XRCC5: variants seen among roughly 807,000 people sequenced by gnomAD.
XRCC5 encodes the protein DNA repair protein Ku80.
Under a neutral mutation model 95.7 loss-of-function variants are expected in XRCC5, and 12 were observed. That is an observed-to-expected ratio of 0.13 (90% CI 0.08 to 0.20). The LOEUF (loss-of-function observed/expected upper bound fraction) is 0.20. Among genes scored for constraint, XRCC5 ranks in the 10% least tolerant of loss-of-function variants. The pLI is 1.00. For missense variants in XRCC5, 595 were observed against 873.9 expected, an observed-to-expected ratio of 0.68 and a Z score of 4.02; for synonymous variants, 281 against 290.3, an observed-to-expected ratio of 0.97 and a Z score of 0.33.
chr2:216,185,684 T>TC (rs1397391522), intron 16 of XRCC5, among the ~76,000 whole-genome samples: 1 of 151,532 alleles, frequency 6.6e-6, no homozygotes, highest in African/African-American at 2.4e-5. Flanking sequence ...TCTTTTTCTT[T>TC]TTTTTTTTTG....
At chr2:216,187,145 C>T (rs2106044185) in intron 16 of XRCC5, among the ~76,000 whole-genome samples, 1 of 152,254 alleles carries the variant, frequency 6.6e-6, no homozygotes, top group Non-Finnish European at 1.5e-5. Flanking sequence ...CCTAGAAGGC[C>T]AAAATCTGGT....
intron 17 of XRCC5, among the ~76,000 whole-genome samples, chr2:216,191,484 C>T (rs1158069567): frequency 1.3e-5 from 2 of 151,452 alleles, no homozygotes; most frequent in Non-Finnish European, 2.9e-5. Context: ...GATCTCGGCT[C>T]ACTGCAACCT....
intron 19 of XRCC5, chr2:216,203,960 A>G: frequency 5.4e-6 from 1 of 184,386 alleles, no homozygotes; most frequent in South Asian, 1.2e-4. Flanking sequence ...GTGGTTGGTT[A>G]TTTTCTTAAC....
chr2:216,198,707 C>G (rs1367992575), intron 19 of XRCC5, among the ~76,000 whole-genome samples: 1 of 152,066 alleles, frequency 6.6e-6, no homozygotes, highest in Non-Finnish European at 1.5e-5. Flanking sequence ...TGCGCACCAC[C>G]CCACCCAGCT....
At position 216,119,103 on chromosome 2, in the gene XRCC5, C is replaced by T; in HGVS notation, c.429C>T (p.Ser143=). Residue 143 remains serine, a synonymous_variant, in exon 5 of 21, where the codon AGC becomes AGT. Transcript: ENST00000392132. ...TCACTGACCTCAGCAGCCGATTCAGCAAAAGTCAGCTGGATATTATAATTC... is the reference window on the plus strand; with the variant it reads ...TCACTGACCTCAGCAGCCGATTCAGTAAAAGTCAGCTGGATATTATAATTC... ...EIFTDLSSRF[S]KSQLDIIIHS... is the part of the protein sequence containing the mutation. The T allele has an allele frequency of 6.2e-7, 1 of 1,614,058 alleles. No individual in the cohort carries two copies. Among genetic ancestry groups the T allele is most frequent in the South Asian group, 1.1e-5 (1 of 91,070 alleles).
chr2:216,196,308 A>G (rs1328799127), intron 19 of XRCC5, among the ~76,000 whole-genome samples: 1 of 152,020 alleles, frequency 6.6e-6, no homozygotes, highest in Non-Finnish European at 1.5e-5. Flanking sequence ...ATTATATCTC[A>G]GAAGGGGTTC....
At chr2:216,187,327 A>G (rs1689512709) in intron 16 of XRCC5, among the ~76,000 whole-genome samples, 2 of 151,964 alleles carry the variant, frequency 1.3e-5, no homozygotes, top group Non-Finnish European at 2.9e-5. Context: ...GAAACTGGGT[A>G]TTGAGACTCC....
At chr2:216,164,474 G>C (rs1689016948) in intron 16 of XRCC5, among the ~76,000 whole-genome samples, 1 of 152,230 alleles carries the variant, frequency 6.6e-6, no homozygotes, top group African/African-American at 2.4e-5. Flanking sequence ...GAAAATGTTA[G>C]AGCTTTAACA....
At chr2:216,178,675 T>G (rs1469924021) in intron 16 of XRCC5, among the ~76,000 whole-genome samples, 1 of 152,226 alleles carries the variant, frequency 6.6e-6, no homozygotes, top group Admixed American at 6.5e-5. Flanking sequence ...CATATATATC[T>G]TATATAGCAT....
intron 16 of XRCC5, among the ~76,000 whole-genome samples, chr2:216,189,710 C>T (rs1286543684): frequency 6.6e-6 from 1 of 152,168 alleles, no homozygotes; most frequent in South Asian, 2.1e-4. Flanking sequence ...AAGACTAGGG[C>T]TGATCTTTTC....
chr2:216,127,778 G>A, intron 8 of XRCC5, 104 bp downstream of exon 8: 1 of 1,277,768 alleles, frequency 7.8e-7, no homozygotes, highest in Non-Finnish European at 1.1e-6. Context: ...TTATTTCTTT[G>A]AGTTATAGAA....
chr2:216,198,412 C>G (rs1293081176), intron 19 of XRCC5, among the ~76,000 whole-genome samples: 2 of 152,096 alleles, frequency 1.3e-5, no homozygotes, highest in African/African-American at 4.8e-5. Context: ...TGGTGAGTAC[C>G]CCCACCTGTC....
At position 216,138,089 on chromosome 2, in the gene XRCC5, T is replaced by A; in HGVS notation, c.1252T>A (p.Cys418Ser). 2 of 1,610,642 alleles carry A rather than the reference T, an allele frequency of 1.2e-6. No individual in the cohort carries two copies. Among genetic ancestry groups the A allele is most frequent in the Non-Finnish European group, 1.7e-6 (2 of 1,178,348 alleles). Residue 418 changes from cysteine to serine, a missense_variant and splice_region_variant, in exon 12 of 21, where the codon TGT (cysteine) becomes AGT (serine). Transcript: ENST00000392132. The part of the protein sequence containing the change: ...AFPHIKHNYE[C>S]LVYVQLPFME... ...TTTTACCCCCTTTCTTTCTCATTAG[T>A]GTTTAGTGTATGTGCAGCTGCCTTT...
chr2:216,166,669 G>T (rs890039851), intron 16 of XRCC5, among the ~76,000 whole-genome samples: 3 of 152,094 alleles, frequency 2.0e-5, no homozygotes, highest in African/African-American at 7.2e-5. Flanking sequence ...AGCTCCTTGC[G>T]CTTTCCCAAC....
Position 216,190,214 on chromosome 2 carries a change from TTA to T in XRCC5, c.1835-9_1835-8del. ...CTCAAATCTAAGAAAATTTGTTGTC[TTA>T]TGTTTTAGCGAGTAACCAGCTCATA... On this transcript the variant is annotated splice_polypyrimidine_tract_variant and intron_variant, in intron 16 of 20. Coordinates refer to ENST00000392132, the MANE Select transcript of XRCC5 (RefSeq NM_021141.4). 6.2e-7 allele frequency: 1 copy of T among 1,612,384 alleles called. No homozygotes were observed. The highest frequency in any genetic ancestry group is 8.5e-7 in the Non-Finnish European group (1 of 1,179,072).
intron 16 of XRCC5, among the ~76,000 whole-genome samples, chr2:216,169,019 C>T (rs1445824621): frequency 1.3e-5 from 2 of 152,206 alleles, no homozygotes; most frequent in Admixed American, 6.5e-5. Flanking sequence ...TATCTGAAAC[C>T]TTGTGCCTGT....
chr2:216,180,469 T>C lies in XRCC5; in HGVS notation c.1835-9756T>C, dbSNP rs147718852. On this transcript the variant is annotated intron_variant, in intron 16 of 20. Coordinates refer to ENST00000392132, the MANE Select transcript of XRCC5 (RefSeq NM_021141.4). ...GGCAAAACCCCATCTCTACTAAAAA[T>C]ACAAAAATCAGTCGTGCATGATGGC... 5.5e-3 allele frequency among the ~76,000 whole-genome samples: 831 copies of C among 152,214 alleles called. 6 individuals carry two copies. Among genetic ancestry groups the C allele is most frequent in the African/African-American group, 0.019 (781 of 41,520 alleles).
At chr2:216,156,505 G>A in intron 14 of XRCC5, 1 of 630,424 alleles carries the variant, frequency 1.6e-6, no homozygotes, top group South Asian at 1.4e-5. Context: ...TTCAATCACA[G>A]CAAAACAAGA....
In XRCC5 at chr2:216,119,182, A is replaced by G. The variant is rs1430157460; in HGVS notation, c.491+17A>G. On this transcript the variant is annotated intron_variant, in intron 5 of 20. Transcript: ENST00000392132. ...GCAATTCTTGTAAGATCCTAAGAAT[A>G]ATGCATGTAGACAAATCCTATGATT... The G allele has an allele frequency of 6.2e-7, 1 of 1,613,518 alleles. No homozygotes were observed. Among genetic ancestry groups the G allele is most frequent in the Non-Finnish European group, 8.5e-7 (1 of 1,179,486 alleles).
Sources: gnomAD v4.1 joint callset for allele counts (sites outside exome capture counted in the v4.1 genomes callset) on GRCh38, gnomAD v4.1.1 for gene constraint, MANE v1.5 for transcripts, NCBI Gene and HGNC (gene_info 2026-07-23, HGNC 2026-07-21) for gene names.